Variants in TRIM71 observed in about 807,000 individuals in gnomAD.
TRIM71 encodes E3 ubiquitin-protein ligase TRIM71.
TRIM71 carries 9 observed loss-of-function variants against 61.2 expected under a neutral mutation model. The observed-to-expected ratio is 0.15, with a 90% CI of 0.09 to 0.26. TRIM71 has a LOEUF of 0.26. TRIM71 is among the 10% of genes least tolerant of loss of function. The pLI, the probability that TRIM71 is intolerant of heterozygous loss-of-function variation, is 1.00. For missense variants in TRIM71, 998 were observed against 1,238.7 expected, an observed-to-expected ratio of 0.81 and a Z score of 2.92; for synonymous variants, 645 against 553.2, an observed-to-expected ratio of 1.17 and a Z score of -2.33.
rs377296638 is a variant in TRIM71, at chr3:32,820,408, C to A, written c.852+1476C>A. Among the ~76,000 whole-genome samples the A allele has an allele frequency of 1.2e-3, 183 of 152,188 alleles. 2 individuals carry two copies. Among genetic ancestry groups the A allele is most frequent in the African/African-American group, 4.1e-3 (172 of 41,534 alleles). On this transcript the variant is annotated intron_variant, in intron 1 of 3. Coordinates refer to ENST00000383763, the MANE Select transcript of TRIM71 (RefSeq NM_001039111.3). ...AGGTAAGAAGCTAGGGGGCAGTTAT[C>A]TTTTTTTTCCGTTTTTAAACTTTGA...
rs1696078534 is a variant in TRIM71, at chr3:32,818,180, T to A, written c.100T>A (p.Ser34Thr). The change falls in exon 1 of 4, where the codon TCC becomes ACC. Residue 34 changes from serine to threonine, a missense_variant. This residue lies in a region of TRIM71 where 527 missense variants were observed against 427.8 expected (regional missense o/e 1.23). Coordinates refer to ENST00000383763, the MANE Select transcript of TRIM71 (RefSeq NM_001039111.3). ...PLSSNSSASS[S>T]SSQTSTSSGG... The stretch of plus-strand genomic sequence containing the variant: ...CTCCTCCAACTCGTCCGCGTCGTCG[T>A]CCTCCTCGCAGACGTCCACGTCGTC... 2 of 1,598,328 alleles carry A rather than the reference T, an allele frequency of 1.3e-6. No individual in the cohort carries two copies. The highest frequency in any genetic ancestry group is 2.7e-5 in the African/African-American group (2 of 73,408).
chr3:32,853,277 C>G (rs1696559979), intron 1 of TRIM71, among the ~76,000 whole-genome samples: 1 of 151,990 alleles, frequency 6.6e-6, no homozygotes, highest in African/African-American at 2.4e-5. Context: ...CCACCACACC[C>G]AGCTAATTTG....
Position 32,890,294 on chromosome 3 carries a change from A to T in TRIM71, c.1156-66A>T. On this transcript the variant is annotated intron_variant, in intron 3 of 3. Transcript: ENST00000383763. The surrounding 1 kb of genome is among the most constrained non-coding windows in gnomAD (Gnocchi z 6.2). ...GCTTCCTTGTGATTAGTTGTGGCTTATGTGGTATTTTCTGTGCTTGGCTCT... is the reference window on the plus strand; with the variant it reads ...GCTTCCTTGTGATTAGTTGTGGCTTTTGTGGTATTTTCTGTGCTTGGCTCT... The T allele has an allele frequency of 4.5e-6, 7 of 1,543,846 alleles. No individual in the cohort carries two copies. The highest frequency in any genetic ancestry group is 6.1e-6 in the Non-Finnish European group (7 of 1,140,186).
chr3:32,842,518 C>T (rs1696418063), intron 1 of TRIM71, among the ~76,000 whole-genome samples: 1 of 152,246 alleles, frequency 6.6e-6, no homozygotes, highest in South Asian at 2.1e-4. Context: ...ATTGTACCAG[C>T]ATAGCACTTG....
chr3:32,829,856 A>C, intron 1 of TRIM71, among the ~76,000 whole-genome samples: 1 of 150,458 alleles, frequency 6.6e-6, no homozygotes, highest in Non-Finnish European at 1.5e-5. Flanking sequence ...AACATGTGTT[A>C]TTGACAAGTG....
rs1441227903 is a variant in TRIM71, at chr3:32,890,097, G to A, written c.1156-263G>A. 6.6e-6 allele frequency among the ~76,000 whole-genome samples: 1 copy of A among 152,100 alleles called. No individual in the cohort carries two copies. Among genetic ancestry groups the A allele is most frequent in the Non-Finnish European group, 1.5e-5 (1 of 68,026 alleles). ...GTCCCAACAGTGCTTTTCATAGCTA[G>A]CCACTCCCTCCAGTCCAGAGTCACT... On this transcript the variant is annotated intron_variant, in intron 3 of 3. Transcript: ENST00000383763. The surrounding 1 kb of genome is among the most constrained non-coding windows in gnomAD (Gnocchi z 6.2).
chr3:32,866,988 CTA>C (rs1696744679), intron 1 of TRIM71, among the ~76,000 whole-genome samples: 1 of 152,188 alleles, frequency 6.6e-6, no homozygotes, highest in Admixed American at 6.5e-5. Context: ...GTTTGTCAAA[CTA>C]TACCTCTCCC....
rs1228502351 is a variant in TRIM71 at position 32,892,275 on chromosome 3, C to CT, written c.*465dup. 1 of 154,592 alleles carries CT rather than the reference C, an allele frequency of 6.5e-6. No individual in the cohort carries two copies. The highest frequency in any genetic ancestry group is 2.4e-5 in the African/African-American group (1 of 41,440). 9.6% of individuals were successfully genotyped at this position (154,592 alleles called of 1,614,324 possible). A position where few individuals can be genotyped will look rare whatever the true frequency, so the allele number is the denominator to read the frequency against. On this transcript the variant is annotated 3_prime_UTR_variant, in exon 4 of 4. Transcript: ENST00000383763. ...AACTACTAAGTAAAAAAACAAAAAA[C>CT]TATAAAACATGGAAAAAATAGGATT...
intron 1 of TRIM71, among the ~76,000 whole-genome samples, chr3:32,821,587 A>T: frequency 6.6e-6 from 1 of 152,158 alleles, no homozygotes; most frequent in East Asian, 1.9e-4. Flanking sequence ...AATGAGACGT[A>T]CTTGCTGCTA....
At chr3:32,833,058 C>G (rs150593845) in intron 1 of TRIM71, among the ~76,000 whole-genome samples, 25 of 151,636 alleles carry the variant, frequency 1.6e-4, no homozygotes, top group African/African-American at 5.8e-4. Flanking sequence ...ACCTGTCATC[C>G]CAGCTACTCG....
chr3:32,889,949 G>C (rs933174551), intron 3 of TRIM71, among the ~76,000 whole-genome samples: 3 of 151,920 alleles, frequency 2.0e-5, no homozygotes, highest in Admixed American at 6.6e-5. Context: ...CTGAGAGTGA[G>C]TTGGCATATT....
chr3:32,819,416 G>C (rs770044015), intron 1 of TRIM71, among the ~76,000 whole-genome samples: 1 of 152,214 alleles, frequency 6.6e-6, no homozygotes, highest in Non-Finnish European at 1.5e-5. Flanking sequence ...GTGGGTGAGT[G>C]CGTGGAGTTT....
chr3:32,870,192 A>G (rs1696780412), intron 1 of TRIM71, among the ~76,000 whole-genome samples: 1 of 152,234 alleles, frequency 6.6e-6, no homozygotes, highest in African/African-American at 2.4e-5. Context: ...TAAATGAAGC[A>G]TGAAATCCTA....
chr3:32,836,312 A>G (rs889067747), intron 1 of TRIM71, among the ~76,000 whole-genome samples: 3 of 151,438 alleles, frequency 2.0e-5, no homozygotes, highest in African/African-American at 4.9e-5. Context: ...TGCAATTGCT[A>G]TGAGGTGTGC....
chr3:32,860,176 C>G (rs1476515072), intron 1 of TRIM71, among the ~76,000 whole-genome samples: 4 of 141,498 alleles, frequency 2.8e-5, no homozygotes, highest in African/African-American at 1.0e-4. Context: ...CCTTCCCTCT[C>G]TGATGGAATT....
At chr3:32,869,101 C>T (rs1394917069) in intron 1 of TRIM71, among the ~76,000 whole-genome samples, 1 of 152,162 alleles carries the variant, frequency 6.6e-6, no homozygotes, top group Admixed American at 6.5e-5. Context: ...CTTGTGTTGT[C>T]CCACGTGAGA....
chr3:32,823,079 T>C (rs1161932667), intron 1 of TRIM71, among the ~76,000 whole-genome samples: 2 of 152,220 alleles, frequency 1.3e-5, no homozygotes, highest in Non-Finnish European at 2.9e-5. Flanking sequence ...ACCTACTGGC[T>C]GGAAAACCAA....
chr3:32,834,846 A>T (rs1007017572), intron 1 of TRIM71, among the ~76,000 whole-genome samples: 3 of 152,160 alleles, frequency 2.0e-5, no homozygotes, highest in Non-Finnish European at 2.9e-5. Flanking sequence ...ATCTCAAAAA[A>T]AAAGGGGATG....
intron 3 of TRIM71, among the ~76,000 whole-genome samples, chr3:32,888,224 G>A (rs1400613254): frequency 2.6e-5 from 4 of 152,046 alleles, no homozygotes; most frequent in Non-Finnish European, 5.9e-5. Context: ...CATGCCAAAA[G>A]CGTGCTATGT....
Sources: gnomAD v4.1 joint callset for allele counts (sites outside exome capture counted in the v4.1 genomes callset) on GRCh38, gnomAD v4.1.1 for gene constraint, gnomAD v4.1.1 regional missense constraint, Gnocchi (gnomAD v3.1) non-coding constraint, MANE v1.5 for transcripts, NCBI Gene and HGNC (gene_info 2026-07-23, HGNC 2026-07-21) for gene names.